The following ALDH1B1 variants were observed in gnomAD, a reference collection of about 807,000 sequenced individuals.
The protein encoded by ALDH1B1 is aldehyde dehydrogenase family 1 member B1, mitochondrial.
In ALDH1B1, 19 loss-of-function variants were observed where a neutral mutation model predicts 26.2. That is an observed-to-expected ratio of 0.72 (90% CI 0.51 to 1.06). ALDH1B1 has a LOEUF of 1.06. Ranked by LOEUF, ALDH1B1 falls within the 50% of genes least tolerant of loss-of-function variation. ALDH1B1 has a pLI of 0.00. For missense variants in ALDH1B1, 671 were observed against 683.1 expected (o/e 0.98, Z 0.20); for synonymous variants, 249 against 286.0 (o/e 0.87, Z 1.31).
In ALDH1B1 at chr9:38,397,187, C is replaced by CGCCA. The variant is rs781342222; in HGVS notation, c.1440_1443dup (p.Phe482AlafsTer6). 4 of 1,614,124 alleles carry CGCCA rather than the reference C, an allele frequency of 2.5e-6. No individual in the cohort carries two copies. The South Asian group carries it at 3.3e-5, about 13-fold the overall frequency. On this transcript the variant is annotated frameshift_variant, in exon 2 of 2. Coordinates refer to ENST00000377698, the MANE Select transcript of ALDH1B1 (RefSeq NM_000692.5). LOFTEE classifies it high-confidence loss of function. Reference sequence around the variant, plus strand: ...ACCTACAACATCGTCACCTGCCACACGCCATTTGGAGGGTTTAAGGAATCT... The same window carrying CGCCA: ...ACCTACAACATCGTCACCTGCCACACGCCAGCCATTTGGAGGGTTTAAGGAATCT...
chr9:38,396,589 A>G lies in ALDH1B1; in HGVS notation c.841A>G (p.Arg281Gly), dbSNP rs1445391891. 6.2e-7 allele frequency: 1 copy of G among 1,613,912 alleles called. No individual in the cohort carries two copies. Among genetic ancestry groups the G allele is most frequent in the South Asian group, 1.1e-5 (1 of 91,078 alleles). ...AGCAGCTGGCGATTCCAACCTCAAGAGAGTCACCCTGGAGCTGGGTGGTAA... is the reference window on the plus strand; with the variant it reads ...AGCAGCTGGCGATTCCAACCTCAAGGGAGTCACCCTGGAGCTGGGTGGTAA... ...QKAAGDSNLKRVTLELGGKSP... is the reference protein window; with the variant it reads ...QKAAGDSNLKGVTLELGGKSP... The change falls in exon 2 of 2, where the codon AGA becomes GGA. Residue 281 changes from arginine (R) to glycine (G), a missense_variant. By Grantham distance (125) the Arg-to-Gly change is moderately radical. Transcript: ENST00000377698.
In ALDH1B1 at chr9:38,398,641, C is replaced by T. The variant is rs138370036; in HGVS notation, c.*1339C>T. The T allele has an allele frequency of 1.7e-3, 291 of 166,894 alleles. 2 individuals carry two copies. The highest frequency in any genetic ancestry group is 3.4e-3 in the Middle Eastern group (1 of 296). The allele number at this position is 166,894 out of a possible 1,614,324, so 10.3% of individuals were successfully genotyped here. A position where few individuals can be genotyped will look rare whatever the true frequency, so the allele number is the denominator to read the frequency against. ...TGAATTAACTCCGTTAAAAAATAAA[C>T]GTATACATTCTGTGAGCAAATCCAT... On this transcript the variant is annotated 3_prime_UTR_variant, in exon 2 of 2. Transcript: ENST00000377698.
rs780298089 is a variant in ALDH1B1 at position 38,395,791 on chromosome 9, A to C, written c.43A>C (p.Arg15=). ...ACCCCGGCTGCTTAGCCTCCAGGGC[A>C]GGACCGCCCGCTACTCCTCGGCAGC... ...LAPRLLSLQG[R]TARYSSAAAL... is the part of the protein sequence containing the mutation. Residue 15 remains arginine, a synonymous_variant, in exon 2 of 2, where the codon AGG becomes CGG. Transcript: ENST00000377698. 3 of 1,611,562 alleles carry C rather than the reference A, an allele frequency of 1.9e-6. No homozygotes were observed. Among genetic ancestry groups the C allele is most frequent in the Non-Finnish European group, 2.5e-6 (3 of 1,179,206 alleles).
chr9:38,396,901 C>A lies in ALDH1B1; in HGVS notation c.1153C>A (p.Leu385Ile). Residue 385 changes from leucine (L) to isoleucine (I), a missense_variant, in exon 2 of 2, where the codon CTC (leucine) becomes ATC (isoleucine). Leu to Ile is a conservative substitution (Grantham distance 5, BLOSUM62 2). Transcript: ENST00000377698. ...TGGCCAGAAGGAGGGCGCAAAACTCCTCTGTGGCGGAGAGCGTTTCGGGGA... is the reference window on the plus strand; with the variant it reads ...TGGCCAGAAGGAGGGCGCAAAACTCATCTGTGGCGGAGAGCGTTTCGGGGA... ...QLGQKEGAKL[L>I]CGGERFGERG... 1 of 1,614,164 alleles carries A rather than the reference C, an allele frequency of 6.2e-7. No individual in the cohort carries two copies.
rs751328202 is a variant in ALDH1B1 at position 38,396,808 on chromosome 9, C to T, written c.1060C>T (p.Leu354=). The T allele has an allele frequency of 1.2e-6, 2 of 1,614,100 alleles. No homozygotes were observed. The highest frequency in any genetic ancestry group is 1.7e-6 in the Non-Finnish European group (2 of 1,180,048). The change falls in exon 2 of 2, where the codon CTG becomes TTG. Residue 354 remains leucine, a synonymous_variant. Coordinates refer to ENST00000377698, the MANE Select transcript of ALDH1B1 (RefSeq NM_000692.5). ...KQRKVGNPFE[L]DTQQGPQVDK... The stretch of plus-strand genomic sequence containing the variant: ...GAGGAAAGTGGGGAACCCCTTTGAG[C>T]TGGACACCCAGCAGGGGCCTCAGGT...
At position 38,396,932 on chromosome 9, in the gene ALDH1B1, G is replaced by T. The variant is rs773632228; in HGVS notation, c.1184G>T (p.Gly395Val). Residue 395 changes from glycine to valine, a missense_variant, in exon 2 of 2, where the codon GGT (glycine) becomes GTT (valine). Gly to Val is a moderately radical substitution (Grantham distance 109). Coordinates refer to ENST00000377698, the MANE Select transcript of ALDH1B1 (RefSeq NM_000692.5). ...GGCGGAGAGCGTTTCGGGGAGCGTG[G>T]TTTCTTCATCAAGCCTACTGTCTTT... is the stretch of plus-strand genomic sequence containing the variant. Reference protein sequence around the residue: ...LCGGERFGERGFFIKPTVFGG... With the variant: ...LCGGERFGERVFFIKPTVFGG... 6.2e-7 allele frequency: 1 copy of T among 1,614,160 alleles called. No individual in the cohort carries two copies. Among genetic ancestry groups the T allele is most frequent in the South Asian group, 1.1e-5 (1 of 91,078 alleles).
rs575584464 is a variant in ALDH1B1 at position 38,396,055 on chromosome 9, C to T, written c.307C>T (p.Arg103Trp). 1.7e-5 allele frequency: 28 copies of T among 1,614,030 alleles called. No individual in the cohort carries two copies. The highest frequency in any genetic ancestry group is 1.6e-4 in the Middle Eastern group (1 of 6,062). Reference sequence around the variant, plus strand: ...CCGGATGGATGCCTCTGAGCGGGGCCGGCTGCTGAACCGCCTGGCAGACCT... The same window carrying T: ...CCGGATGGATGCCTCTGAGCGGGGCTGGCTGCTGAACCGCCTGGCAGACCT... ...WRRMDASERG[R>W]LLNRLADLVE... is the part of the protein sequence containing the mutation. Residue 103 changes from arginine to tryptophan, a missense_variant, in exon 2 of 2, where the codon CGG (arginine) becomes TGG (tryptophan). By Grantham distance (101) the Arg-to-Trp change is moderately radical (BLOSUM62 -3). Coordinates refer to ENST00000377698, the MANE Select transcript of ALDH1B1 (RefSeq NM_000692.5).
At position 38,396,123 on chromosome 9, in the gene ALDH1B1, G is replaced by C; in HGVS notation, c.375G>C (p.Leu125Phe). The C allele has an allele frequency of 6.2e-7, 1 of 1,614,228 alleles. No individual in the cohort carries two copies. Among genetic ancestry groups the C allele is most frequent in the Non-Finnish European group, 8.5e-7 (1 of 1,180,024 alleles). ...DRVYLASLETLDNGKPFQESY... is the reference protein window; with the variant it reads ...DRVYLASLETFDNGKPFQESY... The stretch of plus-strand genomic sequence containing the variant: ...TCTACTTGGCCTCACTCGAGACCTT[G>C]GACAATGGGAAGCCTTTCCAAGAGT... Residue 125 changes from leucine (L) to phenylalanine (F), a missense_variant, in exon 2 of 2, where the codon TTG (leucine) becomes TTC (phenylalanine). By Grantham distance (22) the Leu-to-Phe change is conservative (BLOSUM62 0). Coordinates refer to ENST00000377698, the MANE Select transcript of ALDH1B1 (RefSeq NM_000692.5).
At position 38,393,241 on chromosome 9, in the gene ALDH1B1, T is replaced by C. The variant is rs10973778; in HGVS notation, c.-10+434T>C. Among the ~76,000 whole-genome samples the C allele has an allele frequency of 6.7e-3, 1,023 of 152,284 alleles. 13 individuals are homozygous for C. The highest frequency in any genetic ancestry group is 0.023 in the African/African-American group (967 of 41,554). ...CTGTATTCAGGAGGATATGCAAAGC[T>C]AGGTTTGTGGAAGTCTGGGGTGAGG... is the stretch of plus-strand genomic sequence containing the variant. On this transcript the variant is annotated intron_variant, in intron 1 of 1. Coordinates refer to ENST00000377698, the MANE Select transcript of ALDH1B1 (RefSeq NM_000692.5).
chr9:38,397,074 TG>T lies in ALDH1B1; in HGVS notation c.1328del (p.Gly443AlafsTer28), dbSNP rs1563915516. The T allele has an allele frequency of 6.2e-7, 1 of 1,614,160 alleles. No homozygotes were observed. Among genetic ancestry groups the T allele is most frequent in the Non-Finnish European group, 8.5e-7 (1 of 1,180,032 alleles). On this transcript the variant is annotated frameshift_variant, in exon 2 of 2. Coordinates refer to ENST00000377698, the MANE Select transcript of ALDH1B1 (RefSeq NM_000692.5). LOFTEE classifies it high-confidence loss of function. Reference protein sequence around the residue: ...VVERANNTRYGLAAAVFTRDL... With the variant: ...VVERANNTRYXLAAAVFTRDL... Reference sequence around the variant, plus strand: ...TTGAGAGGGCCAACAACACCAGGTATGGCCTGGCTGCGGCTGTGTTCACCCG... The same window carrying T: ...TTGAGAGGGCCAACAACACCAGGTATGCCTGGCTGCGGCTGTGTTCACCCG...
At position 38,396,841 on chromosome 9, in the gene ALDH1B1, G is replaced by C. The variant is rs1563915375; in HGVS notation, c.1093G>C (p.Glu365Gln). Residue 365 changes from glutamate to glutamine, a missense_variant, in exon 2 of 2, where the codon GAG (glutamate) becomes CAG (glutamine). Glu to Gln is a conservative substitution (Grantham distance 29, BLOSUM62 2). Transcript: ENST00000377698. The stretch of plus-strand genomic sequence containing the variant: ...CCAGCAGGGGCCTCAGGTGGACAAG[G>C]AGCAGTTTGAACGAGTCCTAGGCTA... ...DTQQGPQVDK[E>Q]QFERVLGYIQ... 6.2e-7 allele frequency: 1 copy of C among 1,614,230 alleles called. No individual in the cohort carries two copies. The highest frequency in any genetic ancestry group is 8.5e-7 in the Non-Finnish European group (1 of 1,180,042).
rs1177919338 is a variant in ALDH1B1, at chr9:38,397,559, A to C, written c.*257A>C. The C allele has an allele frequency of 1.8e-5, 9 of 502,298 alleles. No homozygotes were observed. In the Admixed American group the frequency reaches 2.9e-4, roughly 16 times the overall value. 31.1% of individuals were successfully genotyped at this position (502,298 alleles called of 1,614,324 possible). On this transcript the variant is annotated 3_prime_UTR_variant, in exon 2 of 2. Transcript: ENST00000377698. ...CCATGAGTTGCTTCCATGAAATCTTAGGAGTCTCTGGAGGACAGATTAAAA... is the reference window on the plus strand; with the variant it reads ...CCATGAGTTGCTTCCATGAAATCTTCGGAGTCTCTGGAGGACAGATTAAAA...
Position 38,396,892 on chromosome 9 carries a change from G to A in ALDH1B1, c.1144G>A (p.Ala382Thr), listed in dbSNP as rs201132163. The change falls in exon 2 of 2, where the codon GCA becomes ACA. Residue 382 changes from alanine to threonine, a missense_variant. Physicochemically the swap from Ala to Thr is moderately conservative, Grantham distance 58. Transcript: ENST00000377698. Reference sequence around the variant, plus strand: ...CATCCAGCTTGGCCAGAAGGAGGGCGCAAAACTCCTCTGTGGCGGAGAGCG... The same window carrying A: ...CATCCAGCTTGGCCAGAAGGAGGGCACAAAACTCCTCTGTGGCGGAGAGCG... ...GYIQLGQKEGAKLLCGGERFG... is the reference protein window; with the variant it reads ...GYIQLGQKEGTKLLCGGERFG... 111 of 1,614,204 alleles carry A rather than the reference G, an allele frequency of 6.9e-5. 1 individual carries two copies. The highest frequency in any genetic ancestry group is 1.3e-4 in the South Asian group (12 of 91,080).
At chr9:38,394,544 G>A (rs9987823) in intron 1 of ALDH1B1, 22 of 968,742 alleles carry the variant, frequency 2.3e-5, no homozygotes, top group East Asian at 1.2e-4. Flanking sequence ...CTTCCACTTC[G>A]GCCTACCAAA....
rs1821303456 is a variant in ALDH1B1, at chr9:38,396,878, G to T, written c.1130G>T (p.Gly377Val). 1 of 1,614,234 alleles carries T rather than the reference G, an allele frequency of 6.2e-7. No individual in the cohort carries two copies. The stretch of plus-strand genomic sequence containing the variant: ...CGAGTCCTAGGCTACATCCAGCTTG[G>T]CCAGAAGGAGGGCGCAAAACTCCTC... ...FERVLGYIQL[G>V]QKEGAKLLCG... The change falls in exon 2 of 2, where the codon GGC becomes GTC. Residue 377 changes from glycine (G) to valine (V), a missense_variant. By Grantham distance (109) the Gly-to-Val change is moderately radical. Coordinates refer to ENST00000377698, the MANE Select transcript of ALDH1B1 (RefSeq NM_000692.5).
rs10973781 is a variant in ALDH1B1 at position 38,398,307 on chromosome 9, T to C, written c.*1005T>C. On this transcript the variant is annotated 3_prime_UTR_variant, in exon 2 of 2. Coordinates refer to ENST00000377698, the MANE Select transcript of ALDH1B1 (RefSeq NM_000692.5). ...TATGGTATATGAATTAATTTCTTTCTTTTTTTCTTTTTTTTTTTTTTTTTT... is the reference window on the plus strand; with the variant it reads ...TATGGTATATGAATTAATTTCTTTCCTTTTTTCTTTTTTTTTTTTTTTTTT... The C allele has an allele frequency of 0.13, 20,786 of 156,162 alleles. 1,503 individuals carry two copies. Among genetic ancestry groups the C allele is most frequent in the Middle Eastern group, 0.22 (65 of 296 alleles). The allele number at this position is 156,162 out of a possible 1,614,324, so 9.7% of individuals were successfully genotyped here. A position where few individuals can be genotyped will look rare whatever the true frequency, so the allele number is the denominator to read the frequency against.
In ALDH1B1 at chr9:38,397,144, G is replaced by A. The variant is rs750694017; in HGVS notation, c.1396G>A (p.Gly466Arg). The A allele has an allele frequency of 1.9e-5, 30 of 1,614,178 alleles. No individual in the cohort carries two copies. The East Asian group carries it at 2.0e-4, about 11-fold the overall frequency. The part of the protein sequence containing the change: ...AMYFTQALQA[G>R]TVWVNTYNIV... ...GTACTTCACCCAGGCACTCCAGGCC[G>A]GGACCGTGTGGGTAAACACCTACAA... is the stretch of plus-strand genomic sequence containing the variant. The change falls in exon 2 of 2, where the codon GGG (glycine) becomes AGG (arginine). Residue 466 changes from glycine to arginine, a missense_variant. Coordinates refer to ENST00000377698, the MANE Select transcript of ALDH1B1 (RefSeq NM_000692.5).
In ALDH1B1 at chr9:38,394,695, A is replaced by T. The variant is rs531103097; in HGVS notation, c.-9-1045A>T. ...AGGGTGAGAGGCTGGGGGTGAAGGG[A>T]CAGGCAGGTGCAATTCCATTTTACC... On this transcript the variant is annotated intron_variant, in intron 1 of 1. Coordinates refer to ENST00000377698, the MANE Select transcript of ALDH1B1 (RefSeq NM_000692.5). The T allele has an allele frequency of 4.1e-6, 4 of 971,342 alleles. No homozygotes were observed. In the South Asian group the frequency reaches 1.4e-4, roughly 35 times the overall value. The allele number at this position is 971,342 out of a possible 1,614,324, so 60.2% of individuals were successfully genotyped here.
intron 1 of ALDH1B1, among the ~76,000 whole-genome samples, chr9:38,395,360 G>T (rs556249735): frequency 2.0e-5 from 3 of 152,156 alleles, no homozygotes; most frequent in Non-Finnish European, 4.4e-5. Context: ...GCATTTTACT[G>T]GGGGGAGACA....
Sources: allele counts gnomAD v4.1 joint callset (sites outside exome capture counted in the v4.1 genomes callset), GRCh38; gene constraint gnomAD v4.1.1; transcripts MANE v1.5; gene names NCBI Gene and HGNC (gene_info 2026-07-23, HGNC 2026-07-21).